HRK: variants seen among roughly 807,000 people sequenced by gnomAD.
HRK encodes activator of apoptosis harakiri.
In HRK, 6 loss-of-function variants were observed where a neutral mutation model predicts 5.9. The ratio of observed to expected loss-of-function variants is 1.02; its 90% confidence interval spans 0.56 to 2.01. The LOEUF (loss-of-function observed/expected upper bound fraction) is 2.01. HRK is among the 30% of genes most tolerant of loss of function. The pLI is 0.00. For synonymous variants in HRK, 85 were observed against 65.1 expected (o/e 1.31, Z -1.47); for missense variants, 133 against 128.3 (o/e 1.04, Z -0.18).
At chr12:116,873,697 T>C (rs970835609) in intron 1 of HRK, among the ~76,000 whole-genome samples, 1 of 152,088 alleles carries the variant, frequency 6.6e-6, no homozygotes, top group East Asian at 1.9e-4. Flanking sequence ...TAATATTATA[T>C]CAAGTTTCCC....
rs1878230335 is a variant in HRK, at chr12:116,858,264, CCAA to C, written c.*3256_*3258del. The C allele has an allele frequency of 6.6e-6, 1 of 151,326 alleles. No individual in the cohort carries two copies. The highest frequency in any genetic ancestry group is 1.5e-5 in the Non-Finnish European group (1 of 67,976). 9.4% of individuals were successfully genotyped at this position (151,326 alleles called of 1,614,324 possible). ...GGACCATGGACAGCAGCCATTGGGG[CCAA>C]TGGGCTCCCCAGAGAAACTTCCTAC... On this transcript the variant is annotated 3_prime_UTR_variant, in exon 2 of 2. Coordinates refer to ENST00000257572, the MANE Select transcript of HRK (RefSeq NM_003806.4).
At chr12:116,876,510 G>A (rs1194450949) in intron 1 of HRK, among the ~76,000 whole-genome samples, 1 of 152,060 alleles carries the variant, frequency 6.6e-6, no homozygotes, top group African/African-American at 2.4e-5. Context: ...TGACCACGTC[G>A]CCTTATGGGC....
rs1460935813 is a variant in HRK, at chr12:116,859,318, T to C, written c.*2205A>G. 1 of 152,168 alleles carries C rather than the reference T, an allele frequency of 6.6e-6. No individual in the cohort carries two copies. The highest frequency in any genetic ancestry group is 2.4e-5 in the African/African-American group (1 of 41,436). 9.4% of individuals were successfully genotyped at this position (152,168 alleles called of 1,614,324 possible). A position where few individuals can be genotyped will look rare whatever the true frequency, so the allele number is the denominator to read the frequency against. ...CTACAGGTGGTCAGCATGCCCCCAC[T>C]ACGATCTTGAAGGTACAGCCTTAAA... On this transcript the variant is annotated 3_prime_UTR_variant, in exon 2 of 2. Transcript: ENST00000257572.
At position 116,881,037 on chromosome 12, in the gene HRK, A is replaced by G; in HGVS notation, c.271T>C (p.Leu91=). ...CACCAAGAAGCCCCGCGTTCCTACA[A>G]GTTCCGCCTGCCGAGCAGCCAGGCC... The part of the protein sequence containing the change: ...LAAWLLGRRN[L] The change falls in exon 1 of 2, where the codon TTG becomes CTG. Residue 91 remains leucine, a synonymous_variant. Transcript: ENST00000257572. 1 of 1,347,482 alleles carries G rather than the reference A, an allele frequency of 7.4e-7. No homozygotes were observed. The highest frequency in any genetic ancestry group is 9.5e-7 in the Non-Finnish European group (1 of 1,050,048). 83.5% of individuals were successfully genotyped at this position (1,347,482 alleles called of 1,614,324 possible).
chr12:116,877,288 T>A (rs972704929), intron 1 of HRK, among the ~76,000 whole-genome samples: 2 of 151,338 alleles, frequency 1.3e-5, no homozygotes, highest in African/African-American at 2.4e-5. Context: ...ACTCCTGGGC[T>A]CAAGTGATCC....
rs1328772210 is a variant in HRK at position 116,878,283 on chromosome 12, G to A, written c.*56+2693C>T. Among the ~76,000 whole-genome samples, 1 of 152,198 alleles carries A rather than the reference G, an allele frequency of 6.6e-6. No individual in the cohort carries two copies. The highest frequency in any genetic ancestry group is 1.9e-4 in the East Asian group (1 of 5,190). On this transcript the variant is annotated intron_variant, in intron 1 of 1. Transcript: ENST00000257572. The surrounding 1 kb of genome is among the most constrained non-coding windows in gnomAD (Gnocchi z 4.4). ...CTTTAAACCTATGGGAATTGAAAGT[G>A]GTAGTTCCCACCCTATATGGCTGGC...
At chr12:116,867,203 G>A (rs950466777) in intron 1 of HRK, among the ~76,000 whole-genome samples, 45 of 151,266 alleles carry the variant, frequency 3.0e-4, no homozygotes, top group African/African-American at 1.0e-3. Context: ...GTGCAATAGC[G>A]TAATCTTGGC....
intron 1 of HRK, among the ~76,000 whole-genome samples, chr12:116,864,756 T>C (rs189310971): frequency 8.1e-4 from 124 of 152,238 alleles, no homozygotes; most frequent in African/African-American, 2.8e-3. Flanking sequence ...GCCCAGGAGT[T>C]TGAGGCTGCT....
chr12:116,864,326 C>T (rs1264379262), intron 1 of HRK, among the ~76,000 whole-genome samples: 1 of 152,166 alleles, frequency 6.6e-6, no homozygotes, highest in Non-Finnish European at 1.5e-5. Flanking sequence ...GGACATCGTG[C>T]TAAGCATGGT....
Position 116,857,134 on chromosome 12 carries a change from G to A in HRK, c.*4389C>T, listed in dbSNP as rs1256257975. 1 of 152,184 alleles carries A rather than the reference G, an allele frequency of 6.6e-6. No individual in the cohort carries two copies. Among genetic ancestry groups the A allele is most frequent in the African/African-American group, 2.4e-5 (1 of 41,434 alleles). The allele number at this position is 152,184 out of a possible 1,614,324, so 9.4% of individuals were successfully genotyped here. ...GTCACAGTGGTGACCTGACAAATCT[G>A]TTAAACATCGTGAACCAGACTGGAA... On this transcript the variant is annotated 3_prime_UTR_variant, in exon 2 of 2. Transcript: ENST00000257572.
rs550894440 is a variant in HRK at position 116,858,764 on chromosome 12, G to C, written c.*2759C>G. On this transcript the variant is annotated 3_prime_UTR_variant, in exon 2 of 2. Transcript: ENST00000257572. ...GACTCCTTGGCAGCCAGAGAAAAGTGGGGGAGCGGTGGAGGAGAGGGAGGG... is the reference window on the plus strand; with the variant it reads ...GACTCCTTGGCAGCCAGAGAAAAGTCGGGGAGCGGTGGAGGAGAGGGAGGG... 1 of 152,036 alleles carries C rather than the reference G, an allele frequency of 6.6e-6. No homozygotes were observed. Among genetic ancestry groups the C allele is most frequent in the African/African-American group, 2.4e-5 (1 of 41,444 alleles). The allele number at this position is 152,036 out of a possible 1,614,324, so 9.4% of individuals were successfully genotyped here.
Position 116,860,905 on chromosome 12 carries a change from A to G in HRK, c.*618T>C, listed in dbSNP as rs991159189. 1.3e-5 allele frequency: 2 copies of G among 152,176 alleles called. No homozygotes were observed. Among genetic ancestry groups the G allele is most frequent in the African/African-American group, 4.8e-5 (2 of 41,422 alleles). 9.4% of individuals were successfully genotyped at this position (152,176 alleles called of 1,614,324 possible). ...GACAGTGGGATCTAGCGATCGACCT[A>G]GGTAAGTACAGAGGGAGAGGCTAGG... On this transcript the variant is annotated 3_prime_UTR_variant, in exon 2 of 2. Transcript: ENST00000257572.
In HRK at chr12:116,878,195, C is replaced by T. The variant is rs1476884566; in HGVS notation, c.*56+2781G>A. 1.3e-5 allele frequency among the ~76,000 whole-genome samples: 2 copies of T among 152,190 alleles called. No homozygotes were observed. Among genetic ancestry groups the T allele is most frequent in the East Asian group, 1.9e-4 (1 of 5,190 alleles). Reference sequence around the variant, plus strand: ...CCTCCCAAAGTGCTGGAATTACAGGCGTGAGCCAACCTGCCTGGCCTGTAT... The same window carrying T: ...CCTCCCAAAGTGCTGGAATTACAGGTGTGAGCCAACCTGCCTGGCCTGTAT... On this transcript the variant is annotated intron_variant, in intron 1 of 1. Coordinates refer to ENST00000257572, the MANE Select transcript of HRK (RefSeq NM_003806.4). The surrounding 1 kb of genome is among the most constrained non-coding windows in gnomAD (Gnocchi z 4.4).
chr12:116,879,238 C>G lies in HRK; in HGVS notation c.*56+1738G>C, dbSNP rs951001782. 1 of 152,316 alleles carries G rather than the reference C, an allele frequency of 6.6e-6. No homozygotes were observed. The highest frequency in any genetic ancestry group is 1.5e-5 in the Non-Finnish European group (1 of 68,074). The allele number at this position is 152,316 out of a possible 1,614,324, so 9.4% of individuals were successfully genotyped here. On this transcript the variant is annotated intron_variant, in intron 1 of 1. Coordinates refer to ENST00000257572, the MANE Select transcript of HRK (RefSeq NM_003806.4). This position sits in a 1 kb window ranked among gnomAD's most constrained non-coding sequence, Gnocchi z 5.6. The stretch of plus-strand genomic sequence containing the variant: ...GTGTCCCAGCCCTCTCTCCACAGTT[C>G]TATTTGATTTTACTACCTTCCTCTC...
At position 116,881,027 on chromosome 12, in the gene HRK, C is replaced by T; in HGVS notation, c.*5G>A. 1 of 1,339,286 alleles carries T rather than the reference C, an allele frequency of 7.5e-7. No homozygotes were observed. 83.0% of individuals were successfully genotyped at this position (1,339,286 alleles called of 1,614,324 possible). A position where few individuals can be genotyped will look rare whatever the true frequency, so the allele number is the denominator to read the frequency against. On this transcript the variant is annotated 3_prime_UTR_variant, in exon 1 of 2. Transcript: ENST00000257572. The stretch of plus-strand genomic sequence containing the variant: ...GCTCCGGCCCCACCAAGAAGCCCCG[C>T]GTTCCTACAAGTTCCGCCTGCCGAG...
chr12:116,861,549 GC>G (rs1054308419), intron 1 of HRK, 83 bp from the exon 2 acceptor site: 64 of 152,328 alleles, frequency 4.2e-4, no homozygotes, highest in African/African-American at 1.4e-3. Flanking sequence ...TGCACGCTCA[GC>G]CCCGGATGTC....
At chr12:116,868,350 CCCTG>C (rs1878623169) in intron 1 of HRK, among the ~76,000 whole-genome samples, 1 of 152,158 alleles carries the variant, frequency 6.6e-6, no homozygotes, top group Non-Finnish European at 1.5e-5. Context: ...CCCATTTTCA[CCCTG>C]CCTGAGATAC....
rs1225840861 is a variant in HRK, at chr12:116,878,159, A to C, written c.*56+2817T>G. The stretch of plus-strand genomic sequence containing the variant: ...TCAAACTCCTGACCTCAGGTGATCC[A>C]CCTGCCTTGGCCTCCCAAAGTGCTG... On this transcript the variant is annotated intron_variant, in intron 1 of 1. Coordinates refer to ENST00000257572, the MANE Select transcript of HRK (RefSeq NM_003806.4). The surrounding 1 kb of genome is among the most constrained non-coding windows in gnomAD (Gnocchi z 4.4). 6.6e-6 allele frequency among the ~76,000 whole-genome samples: 1 copy of C among 152,154 alleles called. No homozygotes were observed. Among genetic ancestry groups the C allele is most frequent in the Admixed American group, 6.5e-5 (1 of 15,276 alleles).
chr12:116,881,144 C>A lies in HRK; in HGVS notation c.164G>T (p.Arg55Leu). The A allele has an allele frequency of 8.4e-7, 1 of 1,188,930 alleles. No individual in the cohort carries two copies. Among genetic ancestry groups the A allele is most frequent in the Non-Finnish European group, 1.0e-6 (1 of 961,940 alleles). The allele number at this position is 1,188,930 out of a possible 1,614,324, so 73.6% of individuals were successfully genotyped here. ...GCCGGGCGCCGGCGCCCTCCGGCTC[C>A]GCGCGCGGCGCCGCCACATGGTGCG... ...HQRTMWRRRA[R>L]SRRAPAPGAL... is the part of the protein sequence containing the mutation. Residue 55 changes from arginine to leucine, a missense_variant, in exon 1 of 2, where the codon CGG becomes CTG. Arg to Leu is a moderately radical substitution (Grantham distance 102, BLOSUM62 -2). Coordinates refer to ENST00000257572, the MANE Select transcript of HRK (RefSeq NM_003806.4).
Sources: allele counts gnomAD v4.1 joint callset (sites outside exome capture counted in the v4.1 genomes callset), GRCh38; gene constraint gnomAD v4.1.1; non-coding constraint Gnocchi (gnomAD v3.1); transcripts MANE v1.5; gene names NCBI Gene and HGNC (gene_info 2026-07-23, HGNC 2026-07-21).